SH2D3A: variants seen among roughly 807,000 people sequenced by gnomAD.
SH2D3A encodes the protein SH2 domain-containing protein 3A.
Under a neutral mutation model 50.6 loss-of-function variants are expected in SH2D3A, and 46 were observed. The ratio of observed to expected loss-of-function variants is 0.91; its 90% CI spans 0.72 to 1.16. The LOEUF (loss-of-function observed/expected upper bound fraction) is 1.16. SH2D3A is among the 50% of genes most tolerant of loss of function. The pLI is 0.00. For missense variants in SH2D3A, 783 were observed against 786.2 expected (o/e 1.00, Z 0.05); for synonymous variants, 377 against 348.4 (o/e 1.08, Z -0.91).
At position 6,752,641 on chromosome 19, in the gene SH2D3A, G is replaced by A; in HGVS notation, c.1683C>T (p.Phe561=). ...GCGACAGGACGCCGAGGACGCGCTG[G>A]AACTTCTCAAAGCGTTCAGCGCGCG... ...GAPRAERFEK[F]QRVLGVLSQR... is the part of the protein sequence containing the mutation. The change falls in exon 10 of 10, where the codon TTC becomes TTT. Residue 561 remains phenylalanine, a synonymous_variant. Transcript: ENST00000245908. The A allele has an allele frequency of 6.4e-7, 1 of 1,559,364 alleles. No homozygotes were observed. Among genetic ancestry groups the A allele is most frequent in the Non-Finnish European group, 8.7e-7 (1 of 1,151,544 alleles).
chr19:6,754,372 G>T lies in SH2D3A; in HGVS notation c.1151C>A (p.Pro384Gln), dbSNP rs767860753. 2 of 1,557,136 alleles carry T rather than the reference G, an allele frequency of 1.3e-6. No individual in the cohort carries two copies. The highest frequency in any genetic ancestry group is 1.7e-6 in the Non-Finnish European group (2 of 1,159,546). ...CAGTGCGGCTGCGCGCTCCTCCAGC[G>T]GCCCCGAGCAGCCCAGCACCGCCAG... is the stretch of plus-strand genomic sequence containing the variant. ...GALAVLGCSG[P>Q]LEERAAALRG... is the part of the protein sequence containing the mutation. The change falls in exon 7 of 10, where the codon CCG becomes CAG. Residue 384 changes from proline to glutamine, a missense_variant. Coordinates refer to ENST00000245908, the MANE Select transcript of SH2D3A (RefSeq NM_005490.3).
Position 6,752,697 on chromosome 19 carries a change from G to T in SH2D3A, c.1627C>A (p.Leu543Met). The T allele has an allele frequency of 1.9e-6, 3 of 1,552,266 alleles. No individual in the cohort carries two copies. The highest frequency in any genetic ancestry group is 2.4e-5 in the East Asian group (1 of 41,176). Residue 543 changes from leucine (L) to methionine (M), a missense_variant, in exon 10 of 10, where the codon CTG (leucine) becomes ATG (methionine). Leu to Met is a conservative substitution (Grantham distance 15). Transcript: ENST00000245908. ...EALTTGFVRR[L>M]LWGSRGAGAP... ...CCCGCGCCCCGGCTACCCCAGAGCA[G>T]CCTCCGCACGAAGCCGGTGGTCAGG...
Position 6,753,522 on chromosome 19 carries a change from G to A in SH2D3A, c.1504C>T (p.His502Tyr), listed in dbSNP as rs184596900. The A allele has an allele frequency of 1.3e-6, 2 of 1,561,044 alleles. No homozygotes were observed. The highest frequency in any genetic ancestry group is 1.4e-5 in the African/African-American group (1 of 73,702). The change falls in exon 9 of 10, where the codon CAC (histidine) becomes TAC (tyrosine). Residue 502 changes from histidine (H) to tyrosine (Y), a missense_variant. Transcript: ENST00000245908. ...ESCERLLRTL[H>Y]GARHMVRDAP... ...TCCCGGACCATGTGACGCGCCCCGT[G>A]CAGGGTGCGCAACAGCCGCTCACAG... is the stretch of plus-strand genomic sequence containing the variant.
chr19:6,755,972 G>A (rs1969643319), intron 4 of SH2D3A, among the ~76,000 whole-genome samples: 1 of 151,108 alleles, frequency 6.6e-6, no homozygotes, highest in African/African-American at 2.4e-5. Flanking sequence ...CCAGCTACTT[G>A]GGAGGCAGAG....
In SH2D3A at chr19:6,760,723, T is replaced by A. The variant is rs1285884036; in HGVS notation, c.334A>T (p.Arg112Trp). ...LSQATGAVVSRPVTWQGPLRR... is the reference protein window; with the variant it reads ...LSQATGAVVSWPVTWQGPLRR... ...AGAGGCCCCTGCCAAGTCACAGGCCTGGAGACCACAGCCCCTGTGGCCTGG... is the reference window on the plus strand; with the variant it reads ...AGAGGCCCCTGCCAAGTCACAGGCCAGGAGACCACAGCCCCTGTGGCCTGG... The change falls in exon 3 of 10, where the codon AGG (arginine) becomes TGG (tryptophan). Residue 112 changes from arginine (R) to tryptophan (W), a missense_variant. Arg to Trp is a moderately radical substitution (Grantham distance 101). Transcript: ENST00000245908. The A allele has an allele frequency of 2.5e-6, 4 of 1,614,186 alleles. No homozygotes were observed. Among genetic ancestry groups the A allele is most frequent in the Middle Eastern group, 1.6e-4 (1 of 6,062 alleles).
At chr19:6,763,498 A>G (rs1970140366) in intron 2 of SH2D3A, among the ~76,000 whole-genome samples, 182 bp downstream of exon 2, 1 of 152,166 alleles carries the variant, frequency 6.6e-6, no homozygotes, top group South Asian at 2.1e-4. Flanking sequence ...TCCCAAAGAA[A>G]GTGATAATTT....
At chr19:6,753,750 G>C (rs950465524) in intron 8 of SH2D3A, 109 bp from the exon 9 acceptor site, 16 of 1,226,932 alleles carry the variant, frequency 1.3e-5, no homozygotes, top group African/African-American at 4.6e-5. Context: ...AGCGACAGCG[G>C]GGTCTGTGGA....
In SH2D3A at chr19:6,754,988, T is replaced by G. The variant is rs967693415; in HGVS notation, c.824A>C (p.Gln275Pro). 4 of 1,613,844 alleles carry G rather than the reference T, an allele frequency of 2.5e-6. No homozygotes were observed. Among genetic ancestry groups the G allele is most frequent in the Non-Finnish European group, 3.4e-6 (4 of 1,179,992 alleles). Residue 275 changes from glutamine (Q) to proline (P), a missense_variant, in exon 5 of 10, where the codon CAG becomes CCG. Physicochemically the swap from Gln to Pro is moderately conservative, Grantham distance 76. Transcript: ENST00000245908. The part of the protein sequence containing the change: ...EEENRCFTRP[Q>P]AEISFCPHDA... Reference sequence around the variant, plus strand: ...ATGGGGGCAGAAAGAGATCTCAGCCTGTGGTCTTGTAAAACATCTATTCTC... The same window carrying G: ...ATGGGGGCAGAAAGAGATCTCAGCCGGTGGTCTTGTAAAACATCTATTCTC...
rs745976277 is a variant in SH2D3A at position 6,754,978 on chromosome 19, G to T, written c.834C>A (p.Ile278=). 6.2e-7 allele frequency: 1 copy of T among 1,613,988 alleles called. No individual in the cohort carries two copies. The highest frequency in any genetic ancestry group is 2.2e-5 in the East Asian group (1 of 44,870). Residue 278 remains isoleucine, a synonymous_variant, in exon 5 of 10, where the codon ATC becomes ATA. Transcript: ENST00000245908. ...NRCFTRPQAE[I]SFCPHDAPSC... is the part of the protein sequence containing the mutation. ...AGGGGGCATCATGGGGGCAGAAAGA[G>T]ATCTCAGCCTGTGGTCTTGTAAAAC...
chr19:6,755,376 G>A (rs1195675289), intron 4 of SH2D3A, 61 bp from the exon 5 acceptor site: 10 of 1,234,052 alleles, frequency 8.1e-6, no homozygotes, highest in African/African-American at 6.0e-5. Context: ...AATGGGCGGG[G>A]GTGAGAGCTT....
chr19:6,754,234 C>A lies in SH2D3A; in HGVS notation c.1272+17G>T. On this transcript the variant is annotated intron_variant, in intron 7 of 9. Transcript: ENST00000245908. The stretch of plus-strand genomic sequence containing the variant: ...CACCCGCACTCCAGCTTCCTCCAGT[C>A]CCTGCTCCCCACGAACCTGGGGCAT... The A allele has an allele frequency of 6.2e-7, 1 of 1,604,246 alleles. No individual in the cohort carries two copies. The highest frequency in any genetic ancestry group is 8.5e-7 in the Non-Finnish European group (1 of 1,177,986).
At chr19:6,759,280 A>C in intron 4 of SH2D3A, 1 of 271,926 alleles carries the variant, frequency 3.7e-6, no homozygotes, top group South Asian at 3.6e-5. Flanking sequence ...CGCTCGGCTA[A>C]TTTTGTGTTT....
intron 6 of SH2D3A, 35 bp downstream of exon 6, chr19:6,754,580 GC>G (rs1270291106): frequency 6.2e-7 from 1 of 1,609,374 alleles, no homozygotes; most frequent in Admixed American, 1.7e-5. Context: ...GGGGGAATTG[GC>G]CTCCCCCAAC....
At chr19:6,754,531 A>C (rs1969532264) in intron 6 of SH2D3A, 85 bp downstream of exon 6, 2 of 1,590,744 alleles carry the variant, frequency 1.3e-6, no homozygotes, top group East Asian at 4.5e-5. Context: ...TTCCCTGGGG[A>C]ACCATGAGTG....
In SH2D3A at chr19:6,760,835, G is replaced by A. The variant is rs1161016744; in HGVS notation, c.222C>T (p.Pro74=). 1.2e-6 allele frequency: 2 copies of A among 1,614,142 alleles called. No homozygotes were observed. The highest frequency in any genetic ancestry group is 1.7e-6 in the Non-Finnish European group (2 of 1,180,054). Residue 74 remains proline (P), a synonymous_variant, in exon 3 of 10, where the codon CCC becomes CCT. Coordinates refer to ENST00000245908, the MANE Select transcript of SH2D3A (RefSeq NM_005490.3). ...RVALRPRPGR[P]TALFQLEDEQ... ...CATCCTCCAGTTGAAAGAGGGCTGT[G>A]GGTCGGCCTGGCCGGGGACGCAGGG...
chr19:6,760,598 G>C, intron 3 of SH2D3A, 40 bp downstream of exon 3: 2 of 1,458,674 alleles, frequency 1.4e-6, no homozygotes, highest in Non-Finnish European at 1.8e-6. Context: ...AACCCTGCGA[G>C]TGTTGGGTGT....
At chr19:6,753,264 C>A (rs1415490561) in intron 9 of SH2D3A, 192 bp downstream of exon 9, 1 of 985,266 alleles carries the variant, frequency 1.0e-6, no homozygotes, top group Non-Finnish European at 1.2e-6. Context: ...CGGCCCTGTT[C>A]CTATCAATAC....
chr19:6,765,034 T>C (rs900377137), intron 1 of SH2D3A, among the ~76,000 whole-genome samples: 5 of 151,742 alleles, frequency 3.3e-5, no homozygotes, highest in Non-Finnish European at 7.4e-5. Context: ...TGTGCCACCA[T>C]GCCTGGCTAA....
At chr19:6,761,662 G>A (rs112327674) in intron 2 of SH2D3A, among the ~76,000 whole-genome samples, 1 of 152,094 alleles carries the variant, frequency 6.6e-6, no homozygotes, top group Non-Finnish European at 1.5e-5. Flanking sequence ...AATAGGGTAG[G>A]AAGGGTGGGG....
Sources: gnomAD v4.1 joint callset for allele counts (sites outside exome capture counted in the v4.1 genomes callset) on GRCh38, gnomAD v4.1.1 for gene constraint, MANE v1.5 for transcripts, NCBI Gene and HGNC (gene_info 2026-07-23, HGNC 2026-07-21) for gene names.